LIAT1: variants seen among roughly 807,000 people sequenced by gnomAD.
LIAT1 encodes the protein ligand of ATE1, also known as protein LIAT1.
the LIAT1 span, chr17:414,147 T>A: frequency 6.3e-7 from 1 of 1,595,188 alleles, no homozygotes; most frequent in East Asian, 2.2e-5. The surrounding 1 kb of genome is among the most constrained non-coding windows in gnomAD (Gnocchi z 4.1). Context: ...AAACTTATAA[T>A]TCCTCCTCAC....
the LIAT1 span, chr17:414,096 C>T: frequency 6.2e-7 from 1 of 1,613,648 alleles, no homozygotes; most frequent in Admixed American, 1.7e-5. The surrounding 1 kb of genome is among the most constrained non-coding windows in gnomAD (Gnocchi z 4.1). Flanking sequence ...TCTGACTTAG[C>T]TCCTACTCTG....
At chr17:413,977 AC>A in the LIAT1 span, 3 of 1,613,856 alleles carry the variant, frequency 1.9e-6, no homozygotes, top group Non-Finnish European at 2.5e-6. Flanking sequence ...CTGAGAACTT[AC>A]CCTACCTCTC....
At chr17:410,994 C>T in the LIAT1 span, among the ~76,000 whole-genome samples, 2 of 152,212 alleles carry the variant, frequency 1.3e-5, no homozygotes, top group African/African-American at 4.8e-5. Flanking sequence ...AGGCCCTCCT[C>T]ACAAGACACT....
the LIAT1 span, chr17:413,361 A>T: frequency 6.2e-7 from 1 of 1,614,268 alleles, no homozygotes; most frequent in Non-Finnish European, 8.5e-7. Flanking sequence ...CTGCGTTGGG[A>T]TGGAATTCTT....
chr17:411,973 G>A, the LIAT1 span, among the ~76,000 whole-genome samples: 3 of 152,298 alleles, frequency 2.0e-5, no homozygotes, highest in Admixed American at 6.5e-5. Flanking sequence ...TGGCAGCCTC[G>A]CCCATATGGA....
the LIAT1 span, among the ~76,000 whole-genome samples, chr17:411,846 T>C: frequency 6.6e-6 from 1 of 152,198 alleles, no homozygotes; most frequent in African/African-American, 2.4e-5. Context: ...GTGAGGCCAC[T>C]GTCGCCCGTG....
the LIAT1 span, chr17:410,376 G>A: frequency 5.9e-6 from 9 of 1,517,876 alleles, no homozygotes; most frequent in Admixed American, 6.4e-5. Context: ...GGCGGTCCGC[G>A]CTGAGAGTCG....
At chr17:412,346 C>T in the LIAT1 span, among the ~76,000 whole-genome samples, 1 of 151,552 alleles carries the variant, frequency 6.6e-6, no homozygotes, top group African/African-American at 2.4e-5. Context: ...AGAAATTTGG[C>T]AGTTCATTGT....
At chr17:412,677 T>C in the LIAT1 span, among the ~76,000 whole-genome samples, 2 of 152,228 alleles carry the variant, frequency 1.3e-5, no homozygotes, top group African/African-American at 4.8e-5. Context: ...TTTCCGTTCC[T>C]TCCATCATAA....
the LIAT1 span, chr17:413,436 G>A: frequency 2.8e-4 from 452 of 1,613,666 alleles, 4 homozygotes; most frequent in South Asian, 4.3e-3. Context: ...AAACGGTACC[G>A]GTGCTTGGCC....
the LIAT1 span, among the ~76,000 whole-genome samples, chr17:411,673 C>T: frequency 6.6e-6 from 1 of 151,474 alleles, no homozygotes; most frequent in Admixed American, 6.6e-5. Context: ...CTCTCAGGGA[C>T]ACCTTCACAA....
the LIAT1 span, chr17:413,962 G>A: frequency 3.7e-6 from 6 of 1,614,016 alleles, no homozygotes; most frequent in Admixed American, 6.7e-5. Context: ...ATGCCGAGGA[G>A]GCCCCTGAGA....
the LIAT1 span, among the ~76,000 whole-genome samples, chr17:411,532 C>CT: frequency 1.3e-5 from 2 of 152,100 alleles, no homozygotes; most frequent in Non-Finnish European, 2.9e-5. Context: ...GACCCTGTCT[C>CT]TCAAAAAAAC....
At chr17:413,385 C>A in the LIAT1 span, 31 of 1,614,126 alleles carry the variant, frequency 1.9e-5, no homozygotes, top group Non-Finnish European at 2.6e-5. Context: ...GACCCGGAGG[C>A]AGAGAAGGAA....
chr17:410,752 C>T, the LIAT1 span: 2 of 1,106,236 alleles, frequency 1.8e-6, no homozygotes, highest in East Asian at 2.6e-5. Flanking sequence ...GCTCAGTGGT[C>T]CCGGACCGAG....
At chr17:413,022 C>T in the LIAT1 span, 54 of 1,076,952 alleles carry the variant, frequency 5.0e-5, no homozygotes, top group Non-Finnish European at 7.0e-5. Context: ...GTGGGCTTGG[C>T]AGCCTGAGCC....
the LIAT1 span, chr17:413,825 G>A: frequency 2.1e-6 from 3 of 1,447,996 alleles, no homozygotes; most frequent in Admixed American, 1.9e-5. Flanking sequence ...CTTCCACCCC[G>A]ACCCCAAGGC....
the LIAT1 span, chr17:410,709 A>AC: frequency 2.8e-5 from 40 of 1,445,962 alleles, 1 homozygote; most frequent in Admixed American, 3.3e-4. Context: ...TTGGGGACCC[A>AC]CCCCCCATTT....
the LIAT1 span, chr17:413,047 G>A: frequency 4.2e-6 from 6 of 1,423,724 alleles, no homozygotes; most frequent in Non-Finnish European, 5.7e-6. Flanking sequence ...GTACGGAGGG[G>A]CCCCCATCCT....
Sources: gnomAD v4.1 joint callset for allele counts (sites outside exome capture counted in the v4.1 genomes callset) on GRCh38, gnomAD v4.1.1 for gene constraint, Gnocchi (gnomAD v3.1) non-coding constraint, MANE v1.5 for transcripts, NCBI Gene and HGNC (gene_info 2026-07-23, HGNC 2026-07-21) for gene names.